Variants in MYO18B observed in about 807,000 individuals in gnomAD.
MYO18B encodes the protein unconventional myosin-XVIIIb.
MYO18B carries 204 observed loss-of-function variants against 273.0 expected under a neutral mutation model. That is an observed-to-expected ratio of 0.75 (90% CI 0.67 to 0.84). MYO18B has a LOEUF of 0.84. Among genes scored for constraint, MYO18B ranks in the 40% least tolerant of loss-of-function variants. MYO18B has a pLI of 0.00. For missense variants in MYO18B, 3,212 were observed against 3,287.6 expected (o/e 0.98, Z 0.56); for synonymous variants, 1,330 against 1,305.7 (o/e 1.02, Z -0.40).
the MYO18B span, among the ~76,000 whole-genome samples, chr22:26,051,188 A>G: frequency 6.6e-6 from 1 of 150,906 alleles, no homozygotes; most frequent in Non-Finnish European, 1.5e-5. Flanking sequence ...ATAGTGTCAC[A>G]GCCAGAGAAG....
intron 11 of MYO18B, among the ~76,000 whole-genome samples, chr22:25,789,450 A>G (rs150738362): frequency 0.26 from 38,950 of 151,014 alleles, 5,255 homozygotes; most frequent in Middle Eastern, 0.31. Flanking sequence ...AGCCTGGCCA[A>G]CATGGTGAAA....
chr22:25,823,812 G>A, intron 13 of MYO18B, 134 bp downstream of exon 13: 1 of 938,916 alleles, frequency 1.1e-6, no homozygotes, highest in South Asian at 1.6e-5. Context: ...GTTAGATGCA[G>A]GGGAAGCCAT....
At chr22:25,848,270 C>G (rs2090319390) in intron 20 of MYO18B, among the ~76,000 whole-genome samples, 1 of 152,058 alleles carries the variant, frequency 6.6e-6, no homozygotes, top group Admixed American at 6.6e-5. Context: ...CTCATAGCAC[C>G]CAGGGATACG....
the MYO18B span, among the ~76,000 whole-genome samples, chr22:26,040,501 G>C: frequency 1.3e-5 from 2 of 152,224 alleles, no homozygotes; most frequent in Non-Finnish European, 2.9e-5. Flanking sequence ...AGAGGAGTAA[G>C]TGAACTATAC....
At chr22:25,999,958 C>A (rs1448905715) in intron 40 of MYO18B, among the ~76,000 whole-genome samples, 1 of 152,112 alleles carries the variant, frequency 6.6e-6, no homozygotes, top group Non-Finnish European at 1.5e-5. Context: ...TGGCCAAGTT[C>A]TTTTTTTAAA....
rs527258877 is a variant in MYO18B at position 25,949,809 on chromosome 22, G to A, written c.5749-558G>A. Among the ~76,000 whole-genome samples the A allele has an allele frequency of 1.6e-3, 243 of 152,028 alleles. 2 individuals carry two copies. Among genetic ancestry groups the A allele is most frequent in the African/African-American group, 5.5e-3 (227 of 41,474 alleles). On this transcript the variant is annotated intron_variant, in intron 36 of 43. Transcript: ENST00000335473. ...GATACAAGAAATAGAAAGTAAAGAGGTGTTTCTACCCTCTAGAATTCCTCT... is the reference window on the plus strand; with the variant it reads ...GATACAAGAAATAGAAAGTAAAGAGATGTTTCTACCCTCTAGAATTCCTCT...
intron 20 of MYO18B, among the ~76,000 whole-genome samples, chr22:25,848,922 G>C (rs2090339101): frequency 6.6e-6 from 1 of 152,202 alleles, no homozygotes; most frequent in Non-Finnish European, 1.5e-5. Flanking sequence ...CCCCCTGCTG[G>C]GTTAATAAGG....
intron 20 of MYO18B, among the ~76,000 whole-genome samples, chr22:25,848,246 T>C (rs1223204984): frequency 2.0e-5 from 3 of 152,096 alleles, no homozygotes; most frequent in East Asian, 3.9e-4. Flanking sequence ...GATGATGATA[T>C]GACTTGATGA....
At chr22:26,034,630 A>C (rs565861662), downstream of MYO18B, among the ~76,000 whole-genome samples, 1 of 152,300 alleles carries the variant, frequency 6.6e-6, no homozygotes, top group Admixed American at 6.5e-5. Context: ...AAATTATTTC[A>C]AAGGTGAGGA....
chr22:25,758,143 A>G (rs2086184932), intron 1 of MYO18B, among the ~76,000 whole-genome samples: 1 of 152,080 alleles, frequency 6.6e-6, no homozygotes, highest in Non-Finnish European at 1.5e-5. Flanking sequence ...CATCCCGAAT[A>G]GCTGGGATTA....
intron 12 of MYO18B, among the ~76,000 whole-genome samples, chr22:25,821,566 G>T (rs985034904): frequency 2.6e-4 from 40 of 151,994 alleles, no homozygotes; most frequent in African/African-American, 9.7e-4. Flanking sequence ...TCATGAGGTC[G>T]GGAGATGGAG....
intron 22 of MYO18B, among the ~76,000 whole-genome samples, chr22:25,872,272 C>A (rs907561063): frequency 6.6e-6 from 1 of 152,094 alleles, no homozygotes; most frequent in African/African-American, 2.4e-5. Context: ...AATGGAGAAT[C>A]GATCGAGACC....
At chr22:25,954,464 C>G (rs999762127) in intron 38 of MYO18B, among the ~76,000 whole-genome samples, 14 of 152,040 alleles carry the variant, frequency 9.2e-5, no homozygotes, top group Non-Finnish European at 1.9e-4. Context: ...TTAATAATCC[C>G]CCATCCCTTA....
At chr22:25,775,801 C>T (rs1402105943) in intron 7 of MYO18B, among the ~76,000 whole-genome samples, 1 of 152,020 alleles carries the variant, frequency 6.6e-6, no homozygotes, top group African/African-American at 2.4e-5. Context: ...TCAAACGCCT[C>T]CCGTTCACTG....
intron 43 of MYO18B, among the ~76,000 whole-genome samples, chr22:26,029,591 C>T (rs901911238): frequency 6.6e-6 from 1 of 152,160 alleles, no homozygotes; most frequent in Non-Finnish European, 1.5e-5. Flanking sequence ...TCTGCCATTC[C>T]GTTTTAAACT....
At chr22:25,752,348 C>T (rs957307918) in intron 1 of MYO18B, among the ~76,000 whole-genome samples, 2 of 150,870 alleles carry the variant, frequency 1.3e-5, no homozygotes, top group Non-Finnish European at 1.5e-5. Context: ...CCACTACGCC[C>T]GGCTAATTTT....
intron 37 of MYO18B, 54 bp from the exon 38 acceptor site, chr22:25,952,232 C>G: frequency 1.9e-6 from 3 of 1,582,640 alleles, no homozygotes; most frequent in South Asian, 1.2e-5. Flanking sequence ...GCACATGTCT[C>G]TGTCCTGGTA....
At chr22:25,992,556 A>G (rs2093281204) in intron 40 of MYO18B, 63 bp downstream of exon 40, 1 of 1,604,836 alleles carries the variant, frequency 6.2e-7, no homozygotes, top group South Asian at 1.1e-5. Context: ...GGGGAGCTCT[A>G]TGCCCTTTAG....
At chr22:25,791,164 G>A (rs2087644399) in intron 11 of MYO18B, among the ~76,000 whole-genome samples, 1 of 151,916 alleles carries the variant, frequency 6.6e-6, no homozygotes, top group South Asian at 2.1e-4. Context: ...AAGCTGGAGA[G>A]ATATGTGCCT....
Sources: gnomAD v4.1 joint callset for allele counts (sites outside exome capture counted in the v4.1 genomes callset) on GRCh38, gnomAD v4.1.1 for gene constraint, MANE v1.5 for transcripts, NCBI Gene and HGNC (gene_info 2026-07-23, HGNC 2026-07-21) for gene names.